MIER1: variants seen among roughly 807,000 people sequenced by gnomAD.
The protein encoded by MIER1 is MIER1 transcriptional regulator.
Under a neutral mutation model 75.7 loss-of-function variants are expected in MIER1, and 40 were observed. That is an observed-to-expected ratio of 0.53 (90% CI 0.41 to 0.69). The LOEUF is 0.69. Among genes scored for constraint, MIER1 ranks in the 30% least tolerant of loss-of-function variants. The pLI is 0.00. For missense variants in MIER1, 574 were observed against 680.2 expected, an observed-to-expected ratio of 0.84 and a Z score of 1.74; for synonymous variants, 213 against 223.4, an observed-to-expected ratio of 0.95 and a Z score of 0.42.
At chr1:66,971,532 T>C (rs1663610845) in intron 9 of MIER1, 123 bp from the exon 10 acceptor site, 3 of 581,328 alleles carry the variant, frequency 5.2e-6, no homozygotes, top group South Asian at 2.0e-5. Flanking sequence ...ATATATAACA[T>C]TCACTAAAGT....
chr1:66,966,336 T>C (rs1171579595), intron 8 of MIER1, among the ~76,000 whole-genome samples: 1 of 152,216 alleles, frequency 6.6e-6, no homozygotes, highest in Admixed American at 6.5e-5. Flanking sequence ...GTTTCCAGCT[T>C]CATCCATATC....
chr1:66,963,684 C>A (rs1002718993), intron 8 of MIER1, among the ~76,000 whole-genome samples: 2 of 151,976 alleles, frequency 1.3e-5, no homozygotes, highest in African/African-American at 4.8e-5. Context: ...CTGAGGCAGG[C>A]GGATCATGAG....
chr1:66,925,126 C>G, intron 1 of MIER1, 31 bp downstream of exon 1: 1 of 1,540,892 alleles, frequency 6.5e-7, no homozygotes, highest in Non-Finnish European at 8.7e-7. Context: ...CCATCTCTCC[C>G]CTTCTATTCC....
At chr1:66,980,680 C>T (rs555428445) in intron 12 of MIER1, among the ~76,000 whole-genome samples, 1 of 152,064 alleles carries the variant, frequency 6.6e-6, no homozygotes, top group African/African-American at 2.4e-5. Flanking sequence ...ATAAATAACA[C>T]AATTAGAATT....
chr1:66,963,028 A>G (rs542150850), intron 7 of MIER1, 60 bp from the exon 8 acceptor site: 1 of 1,199,922 alleles, frequency 8.3e-7, no homozygotes, highest in Non-Finnish European at 1.2e-6. Context: ...GTAAGGCTAG[A>G]AAATGGATAT....
At chr1:66,973,665 A>G (rs949015669) in intron 11 of MIER1, among the ~76,000 whole-genome samples, 17 of 152,104 alleles carry the variant, frequency 1.1e-4, no homozygotes, top group Non-Finnish European at 1.2e-4. Flanking sequence ...AATAGTAACC[A>G]TATAATTATA....
At chr1:66,942,239 G>A (rs1475433513) in intron 3 of MIER1, among the ~76,000 whole-genome samples, 1 of 152,186 alleles carries the variant, frequency 6.6e-6, no homozygotes, top group African/African-American at 2.4e-5. Flanking sequence ...TATATCCTTT[G>A]TAGCATCTGT....
At position 66,984,677 on chromosome 1, in the gene MIER1, C is replaced by T. The variant is rs750002684; in HGVS notation, c.1475C>T (p.Ala492Val). 4 of 1,613,718 alleles carry T rather than the reference C, an allele frequency of 2.5e-6. No individual in the cohort carries two copies. Among genetic ancestry groups the T allele is most frequent in the Non-Finnish European group, 3.4e-6 (4 of 1,179,840 alleles). ...GGTGGAAATAAGAAACCACTTCATG[C>T]AGATATGGATACTAATGGTTATGAA... ...PTGGNKKPLH[A>V]DMDTNGYETD... is the part of the protein sequence containing the mutation. Residue 492 changes from alanine to valine, a missense_variant, in exon 14 of 14, where the codon GCA becomes GTA. This residue lies in a region of MIER1 where 164 missense variants were observed against 154.3 expected (regional missense o/e 1.06). Coordinates refer to ENST00000401041, the MANE Select transcript of MIER1 (RefSeq NM_001077700.3).
chr1:66,941,643 C>T (rs1656239969), intron 3 of MIER1, among the ~76,000 whole-genome samples: 2 of 152,124 alleles, frequency 1.3e-5, no homozygotes, highest in South Asian at 4.1e-4. Context: ...TTGAATCAGC[C>T]TAGGCTGAAC....
chr1:66,944,966 T>G (rs1303245814), intron 3 of MIER1, among the ~76,000 whole-genome samples: 1 of 151,992 alleles, frequency 6.6e-6, no homozygotes, highest in Non-Finnish European at 1.5e-5. Flanking sequence ...GCTCAGGTGA[T>G]CCTCCCTTCT....
intron 2 of MIER1, among the ~76,000 whole-genome samples, chr1:66,927,958 C>G (rs984634524): frequency 6.6e-6 from 1 of 151,878 alleles, no homozygotes; most frequent in Non-Finnish European, 1.5e-5. Flanking sequence ...CTTTTCATTC[C>G]GTAAGGTGGC....
intron 7 of MIER1, among the ~76,000 whole-genome samples, chr1:66,961,231 A>G (rs1661199176): frequency 6.6e-6 from 1 of 152,186 alleles, no homozygotes; most frequent in African/African-American, 2.4e-5. Context: ...AAGACTTATA[A>G]GATGAAATTG....
intron 2 of MIER1, among the ~76,000 whole-genome samples, chr1:66,927,694 A>T (rs1338597600): frequency 6.6e-6 from 1 of 152,162 alleles, no homozygotes; most frequent in African/African-American, 2.4e-5. Flanking sequence ...AATAAAAGAA[A>T]GAATGTTTTA....
chr1:66,975,744 C>T (rs929314197), intron 11 of MIER1, among the ~76,000 whole-genome samples: 1 of 151,964 alleles, frequency 6.6e-6, no homozygotes, highest in Non-Finnish European at 1.5e-5. Context: ...CACAGTAAGC[C>T]GCAAGAGTAA....
At chr1:66,956,692 G>A (rs758021038) in intron 4 of MIER1, among the ~76,000 whole-genome samples, 3 of 152,158 alleles carry the variant, frequency 2.0e-5, no homozygotes, top group Non-Finnish European at 4.4e-5. Context: ...TTTTCAGGTT[G>A]TAGCTTCTGC....
chr1:66,972,242 A>G (rs1406719973), intron 10 of MIER1, among the ~76,000 whole-genome samples: 1 of 70,252 alleles, frequency 1.4e-5, no homozygotes, highest in African/African-American at 9.4e-5. Flanking sequence ...CTACATATAT[A>G]TATATATATA....
At chr1:66,969,236 G>T (rs1269053454) in intron 8 of MIER1, among the ~76,000 whole-genome samples, 1 of 151,998 alleles carries the variant, frequency 6.6e-6, no homozygotes, top group Non-Finnish European at 1.5e-5. Context: ...TGGGTGAGGG[G>T]ACAAGATAAT....
At chr1:66,949,265 AT>A (rs200045381) in intron 4 of MIER1, among the ~76,000 whole-genome samples, 2 of 151,832 alleles carry the variant, frequency 1.3e-5, no homozygotes, top group Non-Finnish European at 2.9e-5. Flanking sequence ...TGAGTTAGTT[AT>A]TTTTTTTCTA....
At chr1:66,960,640 C>T (rs1301617552) in intron 7 of MIER1, among the ~76,000 whole-genome samples, 1 of 151,878 alleles carries the variant, frequency 6.6e-6, no homozygotes, top group African/African-American at 2.4e-5. Flanking sequence ...ATAGTGAGAC[C>T]CCATGTCTTC....
Sources: gnomAD v4.1 joint callset for allele counts (sites outside exome capture counted in the v4.1 genomes callset) on GRCh38, gnomAD v4.1.1 for gene constraint, gnomAD v4.1.1 regional missense constraint, MANE v1.5 for transcripts, NCBI Gene and HGNC (gene_info 2026-07-23, HGNC 2026-07-21) for gene names.